ADGRL2: variants seen among roughly 807,000 people sequenced by gnomAD.
The protein encoded by ADGRL2 is calcium-independent alpha-latrotoxin receptor 2.
ADGRL2 carries 44 observed loss-of-function variants against 157.4 expected under a neutral mutation model. That is an observed-to-expected ratio of 0.28 (90% CI 0.22 to 0.36). ADGRL2 has a LOEUF of 0.36. Ranked by LOEUF, ADGRL2 falls within the 10% of genes least tolerant of loss-of-function variation. ADGRL2 has a pLI of 1.00. For missense variants in ADGRL2, 1,510 were observed against 1,768.9 expected (o/e 0.85, Z 2.63); for synonymous variants, 585 against 624.7 (o/e 0.94, Z 0.95).
At chr1:81,666,935 T>C (rs951110085) in intron 3 of ADGRL2, among the ~76,000 whole-genome samples, 5 of 152,092 alleles carry the variant, frequency 3.3e-5, no homozygotes, top group African/African-American at 9.7e-5. Context: ...GTATACATCA[T>C]ATCCTTGAAA....
intron 6 of ADGRL2, among the ~76,000 whole-genome samples, chr1:81,949,903 T>C (rs552529507): frequency 6.6e-6 from 1 of 152,370 alleles, no homozygotes; most frequent in Admixed American, 6.5e-5. Context: ...TAAACTGTAC[T>C]ATCACATATT....
intron 1 of ADGRL2, among the ~76,000 whole-genome samples, chr1:81,426,300 T>C (rs2077214738): frequency 6.6e-6 from 1 of 151,778 alleles, no homozygotes. Flanking sequence ...ACAGGGGAGG[T>C]GGGTCAGACA....
chr1:81,703,245 T>C (rs2083630291), intron 1 of ADGRL2, among the ~76,000 whole-genome samples: 1 of 152,110 alleles, frequency 6.6e-6, no homozygotes, highest in South Asian at 2.1e-4. Flanking sequence ...ACCCAGAAAG[T>C]GAAGCGGGAG....
intron 1 of ADGRL2, among the ~76,000 whole-genome samples, chr1:81,759,296 G>T (rs1032719609): frequency 6.6e-6 from 1 of 152,002 alleles, no homozygotes; most frequent in Non-Finnish European, 1.5e-5. Flanking sequence ...AAATATTACT[G>T]TCAGCTACTG....
At chr1:81,428,170 C>T (rs12027794) in intron 1 of ADGRL2, among the ~76,000 whole-genome samples, 67,060 of 151,824 alleles carry the variant, frequency 0.44, 15,586 homozygotes, top group East Asian at 0.84. Flanking sequence ...ATCTATTCTC[C>T]CCATTTCCAA....
chr1:81,980,876 G>T, intron 18 of ADGRL2: 1 of 632,364 alleles, frequency 1.6e-6, no homozygotes, highest in South Asian at 2.1e-5. Flanking sequence ...TTTATGGCAT[G>T]ATTTGTATTT....
chr1:81,437,492 C>A (rs1404881801), intron 1 of ADGRL2, among the ~76,000 whole-genome samples: 1 of 152,162 alleles, frequency 6.6e-6, no homozygotes. Flanking sequence ...CCATTAAGTT[C>A]TTTTGGAGCA....
chr1:81,474,006 A>G (rs2078224076), intron 2 of ADGRL2, among the ~76,000 whole-genome samples: 1 of 152,228 alleles, frequency 6.6e-6, no homozygotes, highest in African/African-American at 2.4e-5. Context: ...CAGAAGCAGA[A>G]GTTAATGAGG....
At chr1:81,566,232 G>A (rs1231661413) in intron 2 of ADGRL2, among the ~76,000 whole-genome samples, 1 of 152,084 alleles carries the variant, frequency 6.6e-6, no homozygotes, top group Non-Finnish European at 1.5e-5. Context: ...TGTATTGGTT[G>A]CCATTAGGTT....
chr1:81,420,089 AAT>A (rs2077099205), intron 1 of ADGRL2, among the ~76,000 whole-genome samples: 1 of 152,226 alleles, frequency 6.6e-6, no homozygotes, highest in South Asian at 2.1e-4. Flanking sequence ...ATCAGAAAAA[AAT>A]AGAGGCAACC....
chr1:81,906,919 G>C, intron 2 of ADGRL2, 98 bp from the exon 3 acceptor site: 1 of 955,044 alleles, frequency 1.0e-6, no homozygotes, highest in Non-Finnish European at 1.6e-6. Flanking sequence ...GACATCTCTT[G>C]ACGATAGACA....
intron 2 of ADGRL2, among the ~76,000 whole-genome samples, chr1:81,507,289 A>G (rs2078994549): frequency 6.6e-6 from 1 of 152,112 alleles, no homozygotes; most frequent in Admixed American, 6.5e-5. Flanking sequence ...CCTGCACAGA[A>G]GGAGACTTAA....
At position 81,739,051 on chromosome 1, in the gene ADGRL2, G is replaced by T. The variant is rs1392176666; in HGVS notation, c.-142-22760G>T. On this transcript the variant is annotated intron_variant, in intron 1 of 20. Transcript: ENST00000359929. Reference sequence around the variant, plus strand: ...AGAAAGAACTTCACAAAAACCTTTTGTGCTGGTAACTGTAGACAAGGCACT... The same window carrying T: ...AGAAAGAACTTCACAAAAACCTTTTTTGCTGGTAACTGTAGACAAGGCACT... Among the ~76,000 whole-genome samples the T allele has an allele frequency of 2.0e-5, 3 of 152,170 alleles. No individual in the cohort carries two copies. The East Asian group carries it at 5.8e-4, about 29-fold the overall frequency.
chr1:81,670,918 C>A (rs1466728998), intron 3 of ADGRL2, among the ~76,000 whole-genome samples: 1 of 152,172 alleles, frequency 6.6e-6, no homozygotes, highest in Non-Finnish European at 1.5e-5. Flanking sequence ...CCACGTTGCC[C>A]AGGCTGGTCT....
chr1:81,736,687 CT>C (rs1249970938), intron 1 of ADGRL2, among the ~76,000 whole-genome samples: 2 of 152,136 alleles, frequency 1.3e-5, no homozygotes, highest in African/African-American at 4.8e-5. Flanking sequence ...GTTTTTGACT[CT>C]GAAAATCCTG....
intron 17 of ADGRL2, among the ~76,000 whole-genome samples, chr1:81,976,414 T>A (rs1395450279): frequency 6.6e-6 from 1 of 151,962 alleles, no homozygotes; most frequent in Non-Finnish European, 1.5e-5. Context: ...TTTCTTTACA[T>A]CTAGATATTA....
intron 3 of ADGRL2, among the ~76,000 whole-genome samples, chr1:81,634,845 T>C (rs1203594664): frequency 6.6e-6 from 1 of 152,138 alleles, no homozygotes; most frequent in African/African-American, 2.4e-5. Flanking sequence ...AGTTAGATTC[T>C]GTAGAAGATA....
At position 81,489,293 on chromosome 1, in the gene ADGRL2, A is replaced by T. The variant is rs60757230; in HGVS notation, c.-248+44204A>T. Among the ~76,000 whole-genome samples, 1,399 of 152,154 alleles carry T rather than the reference A, an allele frequency of 9.2e-3. 31 individuals carry two copies. Among genetic ancestry groups the T allele is most frequent in the African/African-American group, 0.031 (1,303 of 41,542 alleles). On this transcript the variant is annotated intron_variant, in intron 2 of 24. Coordinates refer to the ADGRL2 transcript ENST00000370721. Reference sequence around the variant, plus strand: ...TGGAAAATCTAAAAAGAAACTAAAAAAATCAAGAGCTGAAAAATACAATAA... The same window carrying T: ...TGGAAAATCTAAAAAGAAACTAAAATAATCAAGAGCTGAAAAATACAATAA...
At chr1:81,743,396 T>TC (rs2085137823) in intron 1 of ADGRL2, among the ~76,000 whole-genome samples, 1 of 121,952 alleles carries the variant, frequency 8.2e-6, no homozygotes, top group African/African-American at 3.4e-5. Flanking sequence ...ACAGAAGGTT[T>TC]TTTTTTTTTT....
Sources: allele counts gnomAD v4.1 joint callset (sites outside exome capture counted in the v4.1 genomes callset), GRCh38; gene constraint gnomAD v4.1.1; transcripts MANE v1.5; gene names NCBI Gene and HGNC (gene_info 2026-07-23, HGNC 2026-07-21).